The following TMTC2 variants were observed in gnomAD, a reference collection of about 807,000 sequenced individuals.
TMTC2 encodes transmembrane O-mannosyltransferase targeting cadherins 2.
Under a neutral mutation model 82.4 loss-of-function variants are expected in TMTC2, and 43 were observed. That is an observed-to-expected ratio of 0.52 (90% CI 0.41 to 0.67). TMTC2 has a LOEUF of 0.67. Among genes scored for constraint, TMTC2 ranks in the 30% least tolerant of loss-of-function variants. The pLI is 0.00. For synonymous variants in TMTC2, 408 were observed against 381.9 expected, an observed-to-expected ratio of 1.07 and a Z score of -0.80; for missense variants, 919 against 1,012.4, an observed-to-expected ratio of 0.91 and a Z score of 1.25.
chr12:83,057,535 A>G (rs1207774638), intron 10 of TMTC2, among the ~76,000 whole-genome samples: 2 of 151,864 alleles, frequency 1.3e-5, no homozygotes, highest in Non-Finnish European at 2.9e-5. Flanking sequence ...TCTTCTGTAC[A>G]TTTTTATGTC....
At chr12:82,760,925 T>C (rs765777212) in intron 1 of TMTC2, 1 of 334,796 alleles carries the variant, frequency 3.0e-6, no homozygotes, top group Non-Finnish European at 6.0e-6. Flanking sequence ...CTCCCACTGA[T>C]TATACATTAT....
At chr12:82,802,457 A>C (rs1336933312) in intron 1 of TMTC2, among the ~76,000 whole-genome samples, 1 of 152,170 alleles carries the variant, frequency 6.6e-6, no homozygotes, top group East Asian at 1.9e-4. Flanking sequence ...AAGGCTGAGG[A>C]GGTGCTGAGA....
chr12:82,889,587 C>T (rs914324029), intron 2 of TMTC2, among the ~76,000 whole-genome samples: 4 of 151,882 alleles, frequency 2.6e-5, no homozygotes, highest in South Asian at 2.1e-4. Flanking sequence ...AAAGGCCTTT[C>T]GTACATACGT....
chr12:83,051,502 A>T (rs1450214831), intron 10 of TMTC2, among the ~76,000 whole-genome samples: 1 of 152,174 alleles, frequency 6.6e-6, no homozygotes, highest in Non-Finnish European at 1.5e-5. Flanking sequence ...AAAAACTACT[A>T]GTCATAAAAT....
rs150537708 is a variant in TMTC2, at chr12:82,903,695, G to C, written c.1483+7049G>C. On this transcript the variant is annotated intron_variant, in intron 3 of 11. Coordinates refer to ENST00000321196, the MANE Select transcript of TMTC2 (RefSeq NM_152588.3). ...CCCAAAGTGCCGGGATTACAGGCGTGAGCCACCGCGCCCCGCCGATATTTT... is the reference window on the plus strand; with the variant it reads ...CCCAAAGTGCCGGGATTACAGGCGTCAGCCACCGCGCCCCGCCGATATTTT... 5.0e-3 allele frequency among the ~76,000 whole-genome samples: 761 copies of C among 152,296 alleles called. 7 individuals are homozygous for C. Among genetic ancestry groups the C allele is most frequent in the African/African-American group, 0.018 (728 of 41,566 alleles).
intron 11 of TMTC2, among the ~76,000 whole-genome samples, chr12:83,078,779 A>G (rs1883370815): frequency 6.6e-6 from 1 of 152,100 alleles, no homozygotes; most frequent in South Asian, 2.1e-4. Flanking sequence ...ACTTTCTTTA[A>G]TGATCTATAC....
intron 11 of TMTC2, among the ~76,000 whole-genome samples, chr12:83,118,410 C>T (rs75243623): frequency 0.031 from 4,749 of 152,128 alleles, 253 homozygotes; most frequent in African/African-American, 0.11. Flanking sequence ...AATGCTTTTT[C>T]GGCATCTATT....
chr12:83,028,836 C>G (rs1881292852), intron 8 of TMTC2, among the ~76,000 whole-genome samples: 1 of 152,222 alleles, frequency 6.6e-6, no homozygotes, highest in South Asian at 2.1e-4. Flanking sequence ...TTAACTTTAT[C>G]AAGTGTATGT....
At chr12:83,074,927 G>T (rs201778968) in intron 11 of TMTC2, among the ~76,000 whole-genome samples, 3 of 152,172 alleles carry the variant, frequency 2.0e-5, no homozygotes, top group African/African-American at 7.2e-5. Flanking sequence ...ACAAAGTTCA[G>T]CTAGAGATTT....
intron 1 of TMTC2, among the ~76,000 whole-genome samples, chr12:82,854,650 AAG>A (rs1871159550): frequency 6.6e-6 from 1 of 152,190 alleles, no homozygotes; most frequent in Non-Finnish European, 1.5e-5. Context: ...TTGTATGGAA[AAG>A]AGAGAGAATA....
intron 1 of TMTC2, among the ~76,000 whole-genome samples, chr12:82,745,894 ATG>A (rs1875666578): frequency 1.3e-5 from 2 of 152,158 alleles, no homozygotes; most frequent in African/African-American, 4.8e-5. Context: ...GTACTGCAAA[ATG>A]ATTGAGACTT....
At chr12:82,824,854 C>T (rs1036156235) in intron 1 of TMTC2, among the ~76,000 whole-genome samples, 9 of 151,962 alleles carry the variant, frequency 5.9e-5, no homozygotes, top group African/African-American at 1.9e-4. Flanking sequence ...TTTGGGAGTC[C>T]AAGGCAGGCA....
intron 1 of TMTC2, among the ~76,000 whole-genome samples, chr12:82,805,044 G>A (rs1012699700): frequency 9.9e-5 from 15 of 152,126 alleles, no homozygotes; most frequent in African/African-American, 3.6e-4. Flanking sequence ...ATAACATGAG[G>A]CGTCCACCCT....
intron 1 of TMTC2, among the ~76,000 whole-genome samples, chr12:82,711,172 C>T (rs1162564469): frequency 6.6e-6 from 1 of 152,220 alleles, no homozygotes; most frequent in Non-Finnish European, 1.5e-5. Context: ...GCTTTCACCT[C>T]TGTAAACTTG....
chr12:82,704,790 G>GA (rs534685209), intron 1 of TMTC2, among the ~76,000 whole-genome samples: 7 of 150,784 alleles, frequency 4.6e-5, no homozygotes, highest in South Asian at 2.1e-4. Context: ...ATTAGTATTA[G>GA]AAAAAAAAGG....
At chr12:83,066,482 T>G (rs968612072) in intron 11 of TMTC2, among the ~76,000 whole-genome samples, 2 of 151,960 alleles carry the variant, frequency 1.3e-5, no homozygotes, top group Admixed American at 1.3e-4. Flanking sequence ...ATGTGGAGTT[T>G]GTATTTTAAA....
At chr12:83,100,044 C>T (rs573817283) in intron 11 of TMTC2, among the ~76,000 whole-genome samples, 79 of 151,978 alleles carry the variant, frequency 5.2e-4, no homozygotes, top group Non-Finnish European at 9.3e-4. Context: ...CTCAGCCTCC[C>T]GAGTAGCTGG....
chr12:83,084,996 G>A (rs1232866568), intron 11 of TMTC2, among the ~76,000 whole-genome samples: 1 of 152,190 alleles, frequency 6.6e-6, no homozygotes, highest in African/African-American at 2.4e-5. Flanking sequence ...TAGCCTAGTC[G>A]TGGATCTATT....
intron 1 of TMTC2, among the ~76,000 whole-genome samples, chr12:82,845,660 C>T (rs1004031251): frequency 5.3e-5 from 8 of 151,876 alleles, no homozygotes; most frequent in African/African-American, 1.9e-4. Flanking sequence ...ATATAGTGAC[C>T]AACTGATTAT....
Sources: gnomAD v4.1 joint callset for allele counts (sites outside exome capture counted in the v4.1 genomes callset) on GRCh38, gnomAD v4.1.1 for gene constraint, MANE v1.5 for transcripts, NCBI Gene and HGNC (gene_info 2026-07-23, HGNC 2026-07-21) for gene names.